The following ADGRB3 variants were observed in gnomAD, a reference collection of about 807,000 sequenced individuals.
ADGRB3 encodes the protein adhesion G protein-coupled receptor B3, also known as brain-specific angiogenesis inhibitor 3.
Under a neutral mutation model 193.4 loss-of-function variants are expected in ADGRB3, and 37 were observed. The ratio of observed to expected loss-of-function variants is 0.19; its 90% CI spans 0.15 to 0.25. The LOEUF (loss-of-function observed/expected upper bound fraction) is 0.25, where lower values mean the gene tolerates loss of function less well. Ranked by LOEUF, ADGRB3 falls within the 10% of genes least tolerant of loss-of-function variation. The pLI is 1.00. For synonymous variants in ADGRB3, 690 were observed against 644.2 expected, an observed-to-expected ratio of 1.07 and a Z score of -1.08; for missense variants, 1,637 against 1,852.9, an observed-to-expected ratio of 0.88 and a Z score of 2.14.
chr6:68,855,771 C>T (rs1764970679), intron 3 of ADGRB3, among the ~76,000 whole-genome samples: 1 of 152,106 alleles, frequency 6.6e-6, no homozygotes, highest in African/African-American at 2.4e-5. Flanking sequence ...GTAATCCTAG[C>T]ATTTCAGAAG....
intron 3 of ADGRB3, among the ~76,000 whole-genome samples, chr6:68,831,755 T>C (rs1051749121): frequency 5.3e-5 from 8 of 152,146 alleles, no homozygotes; most frequent in African/African-American, 1.4e-4. Context: ...GAAAGTCAAA[T>C]GAAATGAGAA....
At chr6:68,693,998 A>G (rs1424911517) in intron 3 of ADGRB3, among the ~76,000 whole-genome samples, 1 of 151,994 alleles carries the variant, frequency 6.6e-6, no homozygotes, top group Non-Finnish European at 1.5e-5. Flanking sequence ...CTTTTCTGTG[A>G]TGTATATTGG....
chr6:68,790,748 T>C (rs1767088424), intron 3 of ADGRB3, among the ~76,000 whole-genome samples: 1 of 151,982 alleles, frequency 6.6e-6, no homozygotes, highest in Non-Finnish European at 1.5e-5. Flanking sequence ...GAAGGAAAAC[T>C]AACAAACAGA....
chr6:69,376,518 G>A (rs1769824280), intron 30 of ADGRB3, among the ~76,000 whole-genome samples: 1 of 143,436 alleles, frequency 7.0e-6, no homozygotes. Flanking sequence ...GACAAAAGAA[G>A]ACACAGACAC....
chr6:69,334,675 T>C (rs577959604), intron 24 of ADGRB3, among the ~76,000 whole-genome samples: 59 of 152,348 alleles, frequency 3.9e-4, no homozygotes, highest in Middle Eastern at 3.4e-3. Flanking sequence ...TCCAGATTAA[T>C]CATGTAAGAA....
chr6:69,231,417 G>A (rs766064795), intron 17 of ADGRB3, among the ~76,000 whole-genome samples: 36 of 152,358 alleles, frequency 2.4e-4, no homozygotes, highest in South Asian at 6.2e-4. Flanking sequence ...GAAAGCATAT[G>A]TACTGCATTA....
At chr6:68,824,371 TAC>T (rs2127381388) in intron 3 of ADGRB3, among the ~76,000 whole-genome samples, 1 of 151,310 alleles carries the variant, frequency 6.6e-6, no homozygotes, top group East Asian at 1.9e-4. Flanking sequence ...TATAAAATAT[TAC>T]AGTTATCTTT....
chr6:69,297,028 G>A (rs1767834301), intron 20 of ADGRB3, among the ~76,000 whole-genome samples: 2 of 152,042 alleles, frequency 1.3e-5, no homozygotes. Flanking sequence ...GCATTAGTTG[G>A]CCAAGTTCTC....
At chr6:68,648,505 T>C in intron 3 of ADGRB3, among the ~76,000 whole-genome samples, 1 of 148,462 alleles carries the variant, frequency 6.7e-6, no homozygotes, top group East Asian at 2.0e-4. Flanking sequence ...AATATGGGCA[T>C]GAGAAAGACA....
chr6:69,258,207 T>A (rs1285443948), intron 20 of ADGRB3, among the ~76,000 whole-genome samples: 1 of 151,986 alleles, frequency 6.6e-6, no homozygotes, highest in Non-Finnish European at 1.5e-5. Flanking sequence ...AAGAAAAAAA[T>A]TCCTAGAGAT....
At chr6:68,700,715 G>A (rs1056063298) in intron 3 of ADGRB3, among the ~76,000 whole-genome samples, 6 of 150,016 alleles carry the variant, frequency 4.0e-5, no homozygotes, top group Non-Finnish European at 8.9e-5. Context: ...GCAAACTATC[G>A]CAAGGACAAA....
At chr6:69,250,006 G>T (rs1222104348) in intron 20 of ADGRB3, among the ~76,000 whole-genome samples, 1 of 152,134 alleles carries the variant, frequency 6.6e-6, no homozygotes, top group Non-Finnish European at 1.5e-5. Flanking sequence ...AAGAAGAAAT[G>T]ACTAGCTTTA....
intron 8 of ADGRB3, among the ~76,000 whole-genome samples, chr6:68,971,504 T>C (rs953448091): frequency 1.3e-5 from 2 of 152,186 alleles, no homozygotes; most frequent in African/African-American, 4.8e-5. Context: ...AGTGGACCCA[T>C]GCAGCTCAAA....
At chr6:69,295,452 G>A (rs913232391) in intron 20 of ADGRB3, among the ~76,000 whole-genome samples, 19 of 152,054 alleles carry the variant, frequency 1.2e-4, no homozygotes, top group African/African-American at 4.3e-4. Flanking sequence ...CCACAATTCA[G>A]GAAGAGCAGC....
intron 3 of ADGRB3, among the ~76,000 whole-genome samples, chr6:68,652,437 T>A (rs1338682077): frequency 2.6e-5 from 4 of 152,154 alleles, no homozygotes; most frequent in Non-Finnish European, 5.9e-5. Context: ...GAGTTTGTCC[T>A]GAGGCCCCCT....
chr6:69,369,918 T>C lies in ADGRB3; in HGVS notation c.4240-2488T>C, dbSNP rs568855656. On this transcript the variant is annotated intron_variant, in intron 29 of 31. Transcript: ENST00000370598. ...AAGTAAAAGTTAACCTGCTTGACCT[T>C]GCTTTATGCTTAGAAAGTCAGACTT... Among the ~76,000 whole-genome samples, 24 of 152,288 alleles carry C rather than the reference T, an allele frequency of 1.6e-4. No homozygotes were observed. The South Asian group carries it at 5.0e-3, about 32-fold the overall frequency.
chr6:68,743,957 A>T (rs1174152314), intron 3 of ADGRB3, among the ~76,000 whole-genome samples: 3 of 152,040 alleles, frequency 2.0e-5, no homozygotes, highest in Non-Finnish European at 2.9e-5. Flanking sequence ...AACAATCTGG[A>T]GTCTATTAAA....
At chr6:69,188,986 C>T (rs1278594549) in intron 17 of ADGRB3, among the ~76,000 whole-genome samples, 1 of 152,104 alleles carries the variant, frequency 6.6e-6, no homozygotes, top group Non-Finnish European at 1.5e-5. Flanking sequence ...TGGTATTTTA[C>T]AGTGTAAGAA....
At chr6:68,877,735 G>T (rs915126008) in intron 3 of ADGRB3, among the ~76,000 whole-genome samples, 2 of 152,056 alleles carry the variant, frequency 1.3e-5, no homozygotes, top group Non-Finnish European at 2.9e-5. Flanking sequence ...AGAGATGAAA[G>T]GGCAAGTACA....
Sources: allele counts gnomAD v4.1 joint callset (sites outside exome capture counted in the v4.1 genomes callset), GRCh38; gene constraint gnomAD v4.1.1; transcripts MANE v1.5; gene names NCBI Gene and HGNC (gene_info 2026-07-23, HGNC 2026-07-21).